The following NEURL1B variants were observed in gnomAD, a reference collection of about 807,000 sequenced individuals.
The protein encoded by NEURL1B is E3 ubiquitin-protein ligase NEURL1B.
A neutral mutation model predicts 37.4 loss-of-function variants in NEURL1B; 13 were observed. The observed-to-expected ratio is 0.35, with a 90% CI of 0.23 to 0.55. The LOEUF (loss-of-function observed/expected upper bound fraction) is 0.55. NEURL1B is among the 20% of genes least tolerant of loss of function. The pLI is 0.89. For missense variants in NEURL1B, 790 were observed against 879.2 expected (o/e 0.90, Z 1.28); for synonymous variants, 432 against 426.6 (o/e 1.01, Z -0.16).
At chr5:172,672,384 AC>A (rs1174453519) in intron 2 of NEURL1B, among the ~76,000 whole-genome samples, 1 of 151,838 alleles carries the variant, frequency 6.6e-6, no homozygotes, top group African/African-American at 2.4e-5. Flanking sequence ...ATCCCACCTC[AC>A]TCACCTGCTC....
chr5:172,684,247 G>A (rs545062244), intron 3 of NEURL1B, 109 bp downstream of exon 3: 3 of 955,860 alleles, frequency 3.1e-6, no homozygotes, highest in Admixed American at 1.1e-4. Context: ...GCGCTGCACC[G>A]CCCGAGGCCA....
Position 172,647,781 on chromosome 5 carries a change from C to T in NEURL1B, c.31+6344C>T, listed in dbSNP as rs761218906. Among the ~76,000 whole-genome samples the T allele has an allele frequency of 2.0e-5, 3 of 151,962 alleles. No individual in the cohort carries two copies. The highest frequency in any genetic ancestry group is 4.4e-5 in the Non-Finnish European group (3 of 67,974). On this transcript the variant is annotated intron_variant, in intron 1 of 4. Coordinates refer to ENST00000369800, the MANE Select transcript of NEURL1B (RefSeq NM_001142651.3). This position sits in a 1 kb window ranked among gnomAD's most constrained non-coding sequence, Gnocchi z 4.2. The stretch of plus-strand genomic sequence containing the variant: ...CTGGATGTGGCCTCTGGGAATCTTG[C>T]CTGAGAGGAGACGGGGTGAGCTTGA...
intron 2 of NEURL1B, among the ~76,000 whole-genome samples, chr5:172,677,659 C>G (rs1440108345): frequency 1.3e-5 from 2 of 152,216 alleles, no homozygotes; most frequent in Non-Finnish European, 2.9e-5. Context: ...CCCTTGGTGC[C>G]CACCCCCTCG....
intron 2 of NEURL1B, among the ~76,000 whole-genome samples, chr5:172,674,187 C>A (rs1758184730): frequency 6.6e-6 from 1 of 152,186 alleles, no homozygotes; most frequent in East Asian, 1.9e-4. Context: ...GAGCATCCTG[C>A]ATTTCATCTG....
chr5:172,644,514 C>T (rs527675724), intron 1 of NEURL1B, among the ~76,000 whole-genome samples: 4 of 152,162 alleles, frequency 2.6e-5, no homozygotes, highest in East Asian at 1.9e-4. Flanking sequence ...TGATCGATTG[C>T]GGAAGCCTCT....
At position 172,686,584 on chromosome 5, in the gene NEURL1B, C is replaced by A; in HGVS notation, c.1424-97C>A. On this transcript the variant is annotated intron_variant, in intron 4 of 4. Transcript: ENST00000369800. This position sits in a 1 kb window ranked among gnomAD's most constrained non-coding sequence, Gnocchi z 7.9. The stretch of plus-strand genomic sequence containing the variant: ...GTATCTCCCAAAAGTATTCTCCCAC[C>A]GGTCCCAGCAAGAAGCCCTGCATTC... The A allele has an allele frequency of 7.4e-7, 1 of 1,356,670 alleles. No homozygotes were observed. The highest frequency in any genetic ancestry group is 1.0e-6 in the Non-Finnish European group (1 of 998,378). 84.0% of individuals were successfully genotyped at this position (1,356,670 alleles called of 1,614,324 possible).
In NEURL1B at chr5:172,686,976, C is replaced by T. The variant is rs570247091; in HGVS notation, c.*51C>T. ...GGTGCAAGGTCACCTTTCTGAAGGCCCCCTGGGCTGGGCAACCACATGGCT... is the reference window on the plus strand; with the variant it reads ...GGTGCAAGGTCACCTTTCTGAAGGCTCCCTGGGCTGGGCAACCACATGGCT... On this transcript the variant is annotated 3_prime_UTR_variant, in exon 5 of 5. Transcript: ENST00000369800. This position sits in a 1 kb window ranked among gnomAD's most constrained non-coding sequence, Gnocchi z 7.9. 1.5e-5 allele frequency: 23 copies of T among 1,513,274 alleles called. No individual in the cohort carries two copies. Among genetic ancestry groups the T allele is most frequent in the Admixed American group, 2.0e-5 (1 of 49,374 alleles). The allele number at this position is 1,513,274 out of a possible 1,614,324, so 93.7% of individuals were successfully genotyped here. A position where few individuals can be genotyped will look rare whatever the true frequency, so the allele number is the denominator to read the frequency against.
chr5:172,678,478 T>TC (rs1171821920), intron 2 of NEURL1B, among the ~76,000 whole-genome samples: 1 of 151,996 alleles, frequency 6.6e-6, no homozygotes, highest in Non-Finnish European at 1.5e-5. Context: ...AACTCTTGAA[T>TC]CCCCCACCTC....
At chr5:172,650,397 G>A (rs1206184753) in intron 1 of NEURL1B, among the ~76,000 whole-genome samples, 1 of 152,200 alleles carries the variant, frequency 6.6e-6, no homozygotes, top group Non-Finnish European at 1.5e-5. Flanking sequence ...AGGGTGCTCA[G>A]AATCCCTGTC....
chr5:172,642,468 C>T (rs919226559), intron 1 of NEURL1B, among the ~76,000 whole-genome samples: 2 of 152,182 alleles, frequency 1.3e-5, no homozygotes, highest in African/African-American at 4.8e-5. Flanking sequence ...AGCACAAAGG[C>T]TCGGCTCAAT....
rs907447156 is a variant in NEURL1B at position 172,647,127 on chromosome 5, G to T, written c.31+5690G>T. Among the ~76,000 whole-genome samples the T allele has an allele frequency of 2.0e-5, 3 of 152,176 alleles. No individual in the cohort carries two copies. The highest frequency in any genetic ancestry group is 4.4e-5 in the Non-Finnish European group (3 of 68,032). Reference sequence around the variant, plus strand: ...AACAGGCTGTTTAATCTCCCCCATGGAGAAGAGTCAGCTCTGCCTCTCTTT... The same window carrying T: ...AACAGGCTGTTTAATCTCCCCCATGTAGAAGAGTCAGCTCTGCCTCTCTTT... On this transcript the variant is annotated intron_variant, in intron 1 of 4. Coordinates refer to ENST00000369800, the MANE Select transcript of NEURL1B (RefSeq NM_001142651.3). The surrounding 1 kb of genome is among the most constrained non-coding windows in gnomAD (Gnocchi z 4.2).
Position 172,673,736 on chromosome 5 carries a change from C to A in NEURL1B, c.577+3406C>A, listed in dbSNP as rs183280844. On this transcript the variant is annotated intron_variant, in intron 2 of 4. Coordinates refer to ENST00000369800, the MANE Select transcript of NEURL1B (RefSeq NM_001142651.3). ...GCCTCAGCCTCCCGAGTAGCCAGGA[C>A]CACAGGCTCATGCCTGGCTAATTAG... Among the ~76,000 whole-genome samples, 79 of 150,720 alleles carry A rather than the reference C, an allele frequency of 5.2e-4. 1 individual carries two copies. Among genetic ancestry groups the A allele is most frequent in the African/African-American group, 1.9e-3 (78 of 40,896 alleles).
intron 2 of NEURL1B, among the ~76,000 whole-genome samples, chr5:172,682,541 A>C (rs1758375821): frequency 6.6e-6 from 1 of 152,026 alleles, no homozygotes. Flanking sequence ...GCGCCATTGC[A>C]CTCCAGCCTG....
chr5:172,648,788 G>A (rs1345833141), intron 1 of NEURL1B, among the ~76,000 whole-genome samples: 1 of 152,190 alleles, frequency 6.6e-6, no homozygotes, highest in Non-Finnish European at 1.5e-5. Flanking sequence ...GCACCTCTAG[G>A]CATGGCAGGG....
chr5:172,653,189 T>A (rs1472697252), intron 1 of NEURL1B, among the ~76,000 whole-genome samples: 1 of 152,192 alleles, frequency 6.6e-6, no homozygotes, highest in African/African-American at 2.4e-5. Flanking sequence ...TTCTAAGAAA[T>A]TGACCTTTGT....
chr5:172,641,289 C>A lies in NEURL1B; in HGVS notation c.-118C>A, dbSNP rs1226739102. 26 of 938,960 alleles carry A rather than the reference C, an allele frequency of 2.8e-5. No individual in the cohort carries two copies. Among genetic ancestry groups the A allele is most frequent in the Non-Finnish European group, 2.6e-5 (19 of 729,056 alleles). The allele number at this position is 938,960 out of a possible 1,614,324, so 58.2% of individuals were successfully genotyped here. On this transcript the variant is annotated 5_prime_UTR_variant, in exon 1 of 5. Transcript: ENST00000369800. The surrounding 1 kb of genome is among the most constrained non-coding windows in gnomAD (Gnocchi z 6.4). ...CCGCCCCAGCTGCCGCCCGCCGGCT[C>A]GCCCGTGCAGCTGCGATGCCCCGGA...
intron 2 of NEURL1B, among the ~76,000 whole-genome samples, chr5:172,682,568 C>A (rs969099843): frequency 6.6e-6 from 1 of 152,056 alleles, no homozygotes; most frequent in Admixed American, 6.5e-5. Context: ...AAGAGCGGAA[C>A]TCTATCTCAA....
In NEURL1B at chr5:172,641,747, G is replaced by A. The variant is rs773111028; in HGVS notation, c.31+310G>A. On this transcript the variant is annotated intron_variant, in intron 1 of 4. Coordinates refer to ENST00000369800, the MANE Select transcript of NEURL1B (RefSeq NM_001142651.3). This position sits in a 1 kb window ranked among gnomAD's most constrained non-coding sequence, Gnocchi z 6.4. Reference sequence around the variant, plus strand: ...CCCCTCGCCTTTGTTCCAGCCCGAGGGCGCTGATGAGCAAACTCAAGGCGA... The same window carrying A: ...CCCCTCGCCTTTGTTCCAGCCCGAGAGCGCTGATGAGCAAACTCAAGGCGA... 3.3e-5 allele frequency among the ~76,000 whole-genome samples: 5 copies of A among 152,380 alleles called. No homozygotes were observed. Among genetic ancestry groups the A allele is most frequent in the Non-Finnish European group, 5.9e-5 (4 of 68,036 alleles).
In NEURL1B at chr5:172,641,455, GC is replaced by G; in HGVS notation, c.31+21del. ...CCTGCCAGGTACGCCGGGGAGCCCTGCCCGGGAGGCGGGCGCCGGGCTTCTC... is the reference window on the plus strand; with the variant it reads ...CCTGCCAGGTACGCCGGGGAGCCCTGCCGGGAGGCGGGCGCCGGGCTTCTC... On this transcript the variant is annotated intron_variant, in intron 1 of 4. Transcript: ENST00000369800. This position sits in a 1 kb window ranked among gnomAD's most constrained non-coding sequence, Gnocchi z 6.4. 3.0e-6 allele frequency: 4 copies of G among 1,313,876 alleles called. No homozygotes were observed. Among genetic ancestry groups the G allele is most frequent in the Non-Finnish European group, 3.9e-6 (4 of 1,032,848 alleles). 81.4% of individuals were successfully genotyped at this position (1,313,876 alleles called of 1,614,324 possible). A position where few individuals can be genotyped will look rare whatever the true frequency, so the allele number is the denominator to read the frequency against.
Sources: allele counts gnomAD v4.1 joint callset (sites outside exome capture counted in the v4.1 genomes callset), GRCh38; gene constraint gnomAD v4.1.1; non-coding constraint Gnocchi (gnomAD v3.1); transcripts MANE v1.5; gene names NCBI Gene and HGNC (gene_info 2026-07-23, HGNC 2026-07-21).